Variants in ASCC1 observed in about 807,000 individuals in gnomAD.
ASCC1 encodes the protein activating signal cointegrator 1 complex subunit 1.
Under a neutral mutation model 46.6 loss-of-function variants are expected in ASCC1, and 35 were observed. The ratio of observed to expected loss-of-function variants is 0.75; its 90% CI spans 0.57 to 0.99. The LOEUF is 0.99. ASCC1 is among the 50% of genes least tolerant of loss of function. ASCC1 has a pLI of 0.00. For missense variants in ASCC1, 376 were observed against 428.7 expected, an observed-to-expected ratio of 0.88 and a Z score of 1.09; for synonymous variants, 143 against 146.6, an observed-to-expected ratio of 0.98 and a Z score of 0.18.
At chr10:72,111,538 T>C (rs111594917) in intron 9 of ASCC1, among the ~76,000 whole-genome samples, 2 of 152,168 alleles carry the variant, frequency 1.3e-5, no homozygotes, top group Non-Finnish European at 2.9e-5. Flanking sequence ...AAACTCTGAA[T>C]TGAATTTCTG....
chr10:72,188,285 A>AT (rs1442445703), intron 5 of ASCC1, among the ~76,000 whole-genome samples: 20 of 151,308 alleles, frequency 1.3e-4, no homozygotes, highest in Admixed American at 1.3e-3. Context: ...CGCCCAGCTA[A>AT]TTTTTGTATT....
Position 72,097,486 on chromosome 10 carries a change from T to G in ASCC1, c.958-36A>C. 2.4e-6 allele frequency: 3 copies of G among 1,272,522 alleles called. No homozygotes were observed. In the South Asian group the frequency reaches 3.6e-5, roughly 15 times the overall value. 78.8% of individuals were successfully genotyped at this position (1,272,522 alleles called of 1,614,324 possible). A position where few individuals can be genotyped will look rare whatever the true frequency, so the allele number is the denominator to read the frequency against. On this transcript the variant is annotated intron_variant, in intron 9 of 9. Coordinates refer to ENST00000672957, the MANE Select transcript of ASCC1 (RefSeq NM_001198800.3). Reference sequence around the variant, plus strand: ...AGAATAAAAACCCAGAATGAATATTTAAAGTATAGATGAAAATATTAAACA... The same window carrying G: ...AGAATAAAAACCCAGAATGAATATTGAAAGTATAGATGAAAATATTAAACA...
chr10:72,202,514 T>A (rs1288996570), intron 4 of ASCC1, among the ~76,000 whole-genome samples: 1 of 152,110 alleles, frequency 6.6e-6, no homozygotes, highest in East Asian at 1.9e-4. Context: ...TTTACAGTTT[T>A]GTCCTAACAA....
intron 6 of ASCC1, among the ~76,000 whole-genome samples, chr10:72,161,045 T>C (rs1049258482): frequency 2.6e-5 from 4 of 151,898 alleles, no homozygotes; most frequent in African/African-American, 7.2e-5. Context: ...ATTGCGCCAC[T>C]GCACTCCAGC....
intron 7 of ASCC1, among the ~76,000 whole-genome samples, chr10:72,137,484 C>A (rs533044871): frequency 1.4e-5 from 2 of 144,062 alleles, no homozygotes; most frequent in Non-Finnish European, 3.0e-5. Flanking sequence ...GCCAAGATTG[C>A]GCCATTGCAC....
At chr10:72,167,689 G>A (rs1198760810) in intron 5 of ASCC1, among the ~76,000 whole-genome samples, 1 of 150,114 alleles carries the variant, frequency 6.7e-6, no homozygotes, top group African/African-American at 2.5e-5. Context: ...CCAAGCTGGG[G>A]TGCAGTGGCA....
intron 9 of ASCC1, among the ~76,000 whole-genome samples, chr10:72,122,481 C>T (rs1461147043): frequency 6.6e-6 from 1 of 150,906 alleles, no homozygotes; most frequent in Admixed American, 6.6e-5. Context: ...AACAAAAAGA[C>T]CTTAGCTACC....
intron 7 of ASCC1, 148 bp downstream of exon 7, chr10:72,152,718 GATT>G: frequency 1.0e-6 from 1 of 985,482 alleles, no homozygotes; most frequent in Non-Finnish European, 1.5e-6. Flanking sequence ...TCTTTCAAGA[GATT>G]AACTTACTAT....
Position 72,133,134 on chromosome 10 carries a change from C to T in ASCC1, c.794G>A (p.Gly265Glu), listed in dbSNP as rs770170337. ...DRVLERFQASGLIVKEWNSVK... is the reference protein window; with the variant it reads ...DRVLERFQASELIVKEWNSVK... ...ACTATTCCACTCTTTCACTATTAGT[C>T]CAGATGCCTGAAAACGTTCCAGCAC... The change falls in exon 8 of 10, where the codon GGA (glycine) becomes GAA (glutamate). Residue 265 changes from glycine (G) to glutamate (E), a missense_variant. Transcript: ENST00000672957. The T allele has an allele frequency of 3.7e-6, 6 of 1,613,904 alleles. No individual in the cohort carries two copies. The highest frequency in any genetic ancestry group is 2.5e-6 in the Non-Finnish European group (3 of 1,179,898).
chr10:72,152,761 TG>T, intron 7 of ASCC1, 107 bp downstream of exon 7: 1 of 1,287,178 alleles, frequency 7.8e-7, no homozygotes, highest in Admixed American at 2.0e-5. Flanking sequence ...ATAATTAACA[TG>T]TTCTTTACAA....
At chr10:72,168,814 A>G (rs181045716) in intron 5 of ASCC1, among the ~76,000 whole-genome samples, 1 of 152,348 alleles carries the variant, frequency 6.6e-6, no homozygotes, top group East Asian at 1.9e-4. Context: ...GCCATCTGCA[A>G]GCCAGGAAGA....
rs181007451 is a variant in ASCC1 at position 72,210,828 on chromosome 10, G to A, written c.116C>T (p.Ser39Phe). The change falls in exon 3 of 10, where the codon TCC becomes TTC. Residue 39 changes from serine (S) to phenylalanine (F), a missense_variant. Transcript: ENST00000672957. ...EEDEEDFYQG[S>F]MECADEPCDA... The stretch of plus-strand genomic sequence containing the variant: ...ACAGGGCTCATCAGCACACTCCATG[G>A]AGCCTGCACAGAAACCATCACATCT... 8 of 1,613,744 alleles carry A rather than the reference G, an allele frequency of 5.0e-6. No homozygotes were observed. In the African/African-American group the frequency reaches 9.3e-5, roughly 19 times the overall value.
chr10:72,140,297 C>T (rs916705764), intron 7 of ASCC1, among the ~76,000 whole-genome samples: 2 of 152,026 alleles, frequency 1.3e-5, no homozygotes, highest in African/African-American at 4.8e-5. Flanking sequence ...ATATTAACAA[C>T]AAAAGATCAA....
rs1166526308 is a variant in ASCC1 at position 72,188,158 on chromosome 10, T to C, written c.489+8653A>G. Among the ~76,000 whole-genome samples the C allele has an allele frequency of 3.4e-5, 5 of 146,778 alleles. No individual in the cohort carries two copies. The East Asian group carries it at 8.1e-4, about 24-fold the overall frequency. On this transcript the variant is annotated intron_variant, in intron 5 of 9. Transcript: ENST00000672957. The stretch of plus-strand genomic sequence containing the variant: ...TTTTTTTTTTGAGACAGTCTCGCTC[T>C]GTCAGGCTGGAGTGCAGTGGCATGA...
At chr10:72,138,976 A>AC (rs1399086412) in intron 7 of ASCC1, among the ~76,000 whole-genome samples, 2 of 152,194 alleles carry the variant, frequency 1.3e-5, no homozygotes, top group Non-Finnish European at 2.9e-5. Context: ...TCAGTGCTCA[A>AC]CAGTCTTTAC....
rs1842765647 is a variant in ASCC1 at position 72,110,105 on chromosome 10, A to G, written c.958-12655T>C. Among the ~76,000 whole-genome samples, 4 of 152,236 alleles carry G rather than the reference A, an allele frequency of 2.6e-5. No homozygotes were observed. In the South Asian group the frequency reaches 8.3e-4, roughly 31 times the overall value. On this transcript the variant is annotated intron_variant, in intron 9 of 9. Transcript: ENST00000672957. ...CCCTAAGGGCAGGTGCCCTTTCAGA[A>G]CTAATCTAGATGATGTTTCTGCAGA...
intron 5 of ASCC1, among the ~76,000 whole-genome samples, chr10:72,172,399 A>G: frequency 6.9e-6 from 1 of 144,740 alleles, no homozygotes; most frequent in Non-Finnish European, 1.5e-5. Context: ...TGGGCAAAAG[A>G]GCAAAACTCA....
intron 5 of ASCC1, chr10:72,190,387 C>T (rs1045004154): frequency 8.2e-6 from 13 of 1,584,048 alleles, no homozygotes; most frequent in Non-Finnish European, 1.0e-5. Context: ...ATAAAGCTAT[C>T]AGAAGAAATC....
rs532459264 is a variant in ASCC1 at position 72,126,005 on chromosome 10, G to A, written c.957+2077C>T. On this transcript the variant is annotated intron_variant, in intron 9 of 9. Coordinates refer to ENST00000672957, the MANE Select transcript of ASCC1 (RefSeq NM_001198800.3). ...AAAAATCTAATTATTAACTAGCTAC[G>A]GTTTTAGACTAATTGGCACACTCAC... Among the ~76,000 whole-genome samples the A allele has an allele frequency of 4.6e-5, 7 of 152,228 alleles. No homozygotes were observed. The South Asian group carries it at 6.2e-4, about 14-fold the overall frequency.
Sources: allele counts gnomAD v4.1 joint callset (sites outside exome capture counted in the v4.1 genomes callset), GRCh38; gene constraint gnomAD v4.1.1; transcripts MANE v1.5; gene names NCBI Gene and HGNC (gene_info 2026-07-23, HGNC 2026-07-21).